The following MED25 variants were observed in gnomAD, a reference collection of about 807,000 sequenced individuals.
MED25 encodes the protein mediator complex subunit 25, also known as mediator of RNA polymerase II transcription subunit 25.
In MED25, 62 loss-of-function variants were observed where a neutral mutation model predicts 89.4. The ratio of observed to expected loss-of-function variants is 0.69; its 90% CI spans 0.57 to 0.86. The LOEUF (loss-of-function observed/expected upper bound fraction) is 0.86, where lower values mean the gene tolerates loss of function less well. Among genes scored for constraint, MED25 ranks in the 40% least tolerant of loss-of-function variants. The probability of loss-of-function intolerance (pLI) is 0.00; values close to 1 mark genes in which losing one functional copy is unlikely to be tolerated. For missense variants in MED25, 905 were observed against 1,005.2 expected, an observed-to-expected ratio of 0.90 and a Z score of 1.35; for synonymous variants, 449 against 427.9, an observed-to-expected ratio of 1.05 and a Z score of -0.61.
At position 49,829,954 on chromosome 19, in the gene MED25, G is replaced by T; in HGVS notation, c.688+6G>T. 6.2e-7 allele frequency: 1 copy of T among 1,608,608 alleles called. No individual in the cohort carries two copies. Among genetic ancestry groups the T allele is most frequent in the Non-Finnish European group, 8.5e-7 (1 of 1,176,266 alleles). On this transcript the variant is annotated splice_donor_region_variant and intron_variant, in intron 6 of 17. Transcript: ENST00000312865. The surrounding 1 kb of genome is among the most constrained non-coding windows in gnomAD (Gnocchi z 4.6). ...TCGGGGACTCGTGCTGCCTGGTGAG[G>T]CCTGGGCACCGTGCGCGGGGATGGG...
chr19:49,832,205 T>C (rs371606589), intron 12 of MED25, 48 bp downstream of exon 12: 14 of 1,598,596 alleles, frequency 8.8e-6, no homozygotes, highest in Admixed American at 1.7e-5. Flanking sequence ...GTCCTCACCC[T>C]GCTGTCTCTT....
At position 49,835,093 on chromosome 19, in the gene MED25, G is replaced by A. The variant is rs771318076; in HGVS notation, c.1590G>A (p.Gln530=). The A allele has an allele frequency of 1.2e-6, 2 of 1,614,086 alleles. No individual in the cohort carries two copies. The highest frequency in any genetic ancestry group is 4.5e-5 in the East Asian group (2 of 44,862). Residue 530 remains glutamine, a synonymous_variant, in exon 14 of 18, where the codon CAG becomes CAA. Transcript: ENST00000312865. This position sits in a 1 kb window ranked among gnomAD's most constrained non-coding sequence, Gnocchi z 6.2. ...KIFMGLIPYD[Q]SGFVNGIRQV... ...TCATGGGCCTCATCCCCTACGACCA[G>A]AGCGGCTTCGTCAACGGCATCCGGC...
chr19:49,835,391 TAC>T lies in MED25; in HGVS notation c.1675-142_1675-141del. 1.0e-6 allele frequency: 1 copy of T among 969,470 alleles called. No homozygotes were observed. The allele number at this position is 969,470 out of a possible 1,614,324, so 60.1% of individuals were successfully genotyped here. On this transcript the variant is annotated intron_variant, in intron 14 of 17. Coordinates refer to ENST00000312865, the MANE Select transcript of MED25 (RefSeq NM_030973.4). This position sits in a 1 kb window ranked among gnomAD's most constrained non-coding sequence, Gnocchi z 6.2. ...GCTTCCTCCTGGAGACCTTGGAGTG[TAC>T]GGCATCCCTCCCAGACCACTCACCC...
downstream of MED25, chr19:49,839,359 G>C (rs1439730414): frequency 6.2e-6 from 1 of 160,854 alleles, no homozygotes; most frequent in Non-Finnish European, 1.4e-5. Flanking sequence ...ACGGAAGTTG[G>C]GTCGTTGCAT....
chr19:49,835,633 C>T lies in MED25; in HGVS notation c.1746+28C>T. The T allele has an allele frequency of 6.4e-7, 1 of 1,556,950 alleles. No individual in the cohort carries two copies. The highest frequency in any genetic ancestry group is 1.2e-5 in the South Asian group (1 of 84,696). On this transcript the variant is annotated intron_variant, in intron 15 of 17. Transcript: ENST00000312865. This position sits in a 1 kb window ranked among gnomAD's most constrained non-coding sequence, Gnocchi z 6.2. ...GAGGACAGGGCTGGCGGGGTCGGGG[C>T]TGGGTTGGGGAGGCCCCAAGGCTGC...
At chr19:49,826,106 C>T (rs1252568355) in intron 3 of MED25, among the ~76,000 whole-genome samples, 3 of 151,900 alleles carry the variant, frequency 2.0e-5, no homozygotes, top group South Asian at 2.1e-4. Context: ...TTTGGGAGGC[C>T]GAGGCGGGTG....
chr19:49,821,062 G>A (rs530299408), intron 3 of MED25, among the ~76,000 whole-genome samples: 127 of 152,330 alleles, frequency 8.3e-4, no homozygotes, highest in African/African-American at 3.0e-3. Context: ...GAGTGGCTTG[G>A]CTGGATGGTT....
chr19:49,824,862 C>G (rs985749631), intron 3 of MED25, among the ~76,000 whole-genome samples: 2 of 152,070 alleles, frequency 1.3e-5, no homozygotes, highest in Non-Finnish European at 2.9e-5. Flanking sequence ...TCCTGGGGCT[C>G]CAGGCACCTG....
chr19:49,831,897 A>T lies in MED25; in HGVS notation c.1231-39A>T. ...TGAGGGCTCAAGGGGACTGAGGCTTATGGCCCTTTTTACTGACATGCTCTT... is the reference window on the plus strand; with the variant it reads ...TGAGGGCTCAAGGGGACTGAGGCTTTTGGCCCTTTTTACTGACATGCTCTT... On this transcript the variant is annotated intron_variant, in intron 10 of 17. Coordinates refer to ENST00000312865, the MANE Select transcript of MED25 (RefSeq NM_030973.4). The surrounding 1 kb of genome is among the most constrained non-coding windows in gnomAD (Gnocchi z 5.0). 1 of 1,572,384 alleles carries T rather than the reference A, an allele frequency of 6.4e-7. No homozygotes were observed. Among genetic ancestry groups the T allele is most frequent in the Non-Finnish European group, 8.8e-7 (1 of 1,142,058 alleles).
Position 49,831,549 on chromosome 19 carries a change from G to T in MED25, c.1230+88G>T. The T allele has an allele frequency of 6.7e-7, 1 of 1,488,900 alleles. No homozygotes were observed. The highest frequency in any genetic ancestry group is 9.1e-7 in the Non-Finnish European group (1 of 1,098,228). The allele number at this position is 1,488,900 out of a possible 1,614,324, so 92.2% of individuals were successfully genotyped here. On this transcript the variant is annotated intron_variant, in intron 10 of 17. Coordinates refer to ENST00000312865, the MANE Select transcript of MED25 (RefSeq NM_030973.4). This position sits in a 1 kb window ranked among gnomAD's most constrained non-coding sequence, Gnocchi z 5.0. ...GGACTCATGGGGCCAGATGCGTGGG[G>T]TCTGCAGTGCTGGGTTTGGAGGCAT...
In MED25 at chr19:49,831,598, G is replaced by A; in HGVS notation, c.1230+137G>A. On this transcript the variant is annotated intron_variant, in intron 10 of 17. Transcript: ENST00000312865. This position sits in a 1 kb window ranked among gnomAD's most constrained non-coding sequence, Gnocchi z 5.0. ...ATTCGTTGCGCTGGACCTGTGGGAT[G>A]CGGGGCGAGGCCAGGAGCCCCATGG... 1 of 1,155,500 alleles carries A rather than the reference G, an allele frequency of 8.7e-7. No homozygotes were observed. Among genetic ancestry groups the A allele is most frequent in the South Asian group, 1.6e-5 (1 of 63,902 alleles). 71.6% of individuals were successfully genotyped at this position (1,155,500 alleles called of 1,614,324 possible). A position where few individuals can be genotyped will look rare whatever the true frequency, so the allele number is the denominator to read the frequency against.
chr19:49,823,487 G>T (rs772136823), intron 3 of MED25, among the ~76,000 whole-genome samples: 1 of 152,114 alleles, frequency 6.6e-6, no homozygotes, highest in Non-Finnish European at 1.5e-5. Flanking sequence ...AGGATTTTGT[G>T]CCTCACTCTC....
At position 49,830,426 on chromosome 19, in the gene MED25, C is replaced by G; in HGVS notation, c.820-85C>G. 1.4e-6 allele frequency: 2 copies of G among 1,396,812 alleles called. No homozygotes were observed. Among genetic ancestry groups the G allele is most frequent in the Non-Finnish European group, 2.0e-6 (2 of 990,068 alleles). 86.5% of individuals were successfully genotyped at this position (1,396,812 alleles called of 1,614,324 possible). A position where few individuals can be genotyped will look rare whatever the true frequency, so the allele number is the denominator to read the frequency against. ...TATCCCAGCTGGTGCCTCATGGGGCCATGGGTGGTGTGACCTCGTGGGATA... is the reference window on the plus strand; with the variant it reads ...TATCCCAGCTGGTGCCTCATGGGGCGATGGGTGGTGTGACCTCGTGGGATA... On this transcript the variant is annotated intron_variant, in intron 7 of 17. Coordinates refer to ENST00000312865, the MANE Select transcript of MED25 (RefSeq NM_030973.4). This position sits in a 1 kb window ranked among gnomAD's most constrained non-coding sequence, Gnocchi z 4.6.
At position 49,831,317 on chromosome 19, in the gene MED25, T is replaced by A; in HGVS notation, c.1102-16T>A. 6.2e-7 allele frequency: 1 copy of A among 1,608,606 alleles called. No individual in the cohort carries two copies. Among genetic ancestry groups the A allele is most frequent in the Non-Finnish European group, 8.5e-7 (1 of 1,178,204 alleles). ...CCTTCCCCATTCTCATGGCCCTCCT[T>A]CCTCCCCTCTGGCAGGCAGGCACTG... On this transcript the variant is annotated splice_polypyrimidine_tract_variant and intron_variant, in intron 9 of 17. Coordinates refer to ENST00000312865, the MANE Select transcript of MED25 (RefSeq NM_030973.4). The surrounding 1 kb of genome is among the most constrained non-coding windows in gnomAD (Gnocchi z 5.0).
At position 49,830,989 on chromosome 19, in the gene MED25, C is replaced by T. The variant is rs573526418; in HGVS notation, c.1101+102C>T. ...TTGCCTTCCAGGGGGATGTGGCTCT[C>T]GTGGTTCTGGGGCTTTGGGGGCTCG... On this transcript the variant is annotated intron_variant, in intron 9 of 17. Transcript: ENST00000312865. The surrounding 1 kb of genome is among the most constrained non-coding windows in gnomAD (Gnocchi z 4.6). 87 of 1,335,732 alleles carry T rather than the reference C, an allele frequency of 6.5e-5. No homozygotes were observed. In the East Asian group the frequency reaches 9.6e-4, roughly 15 times the overall value. The allele number at this position is 1,335,732 out of a possible 1,614,324, so 82.7% of individuals were successfully genotyped here. A position where few individuals can be genotyped will look rare whatever the true frequency, so the allele number is the denominator to read the frequency against.
In MED25 at chr19:49,835,422, A is replaced by G. The variant is rs969571571; in HGVS notation, c.1675-112A>G. Reference sequence around the variant, plus strand: ...ATCCCTCCCAGACCACTCACCCCCAAAGAGAATGTCCCCATCTCCTTACTA... The same window carrying G: ...ATCCCTCCCAGACCACTCACCCCCAGAGAGAATGTCCCCATCTCCTTACTA... On this transcript the variant is annotated intron_variant, in intron 14 of 17. Coordinates refer to ENST00000312865, the MANE Select transcript of MED25 (RefSeq NM_030973.4). The surrounding 1 kb of genome is among the most constrained non-coding windows in gnomAD (Gnocchi z 6.2). The G allele has an allele frequency of 7.7e-6, 9 of 1,164,330 alleles. No individual in the cohort carries two copies. Among genetic ancestry groups the G allele is most frequent in the African/African-American group, 3.1e-5 (2 of 64,650 alleles). The allele number at this position is 1,164,330 out of a possible 1,614,324, so 72.1% of individuals were successfully genotyped here. A position where few individuals can be genotyped will look rare whatever the true frequency, so the allele number is the denominator to read the frequency against.
Position 49,834,811 on chromosome 19 carries a change from G to A in MED25, c.1483-175G>A, listed in dbSNP as rs1265967882. The A allele has an allele frequency of 6.1e-6, 4 of 653,120 alleles. No individual in the cohort carries two copies. Among genetic ancestry groups the A allele is most frequent in the African/African-American group, 5.4e-5 (3 of 55,254 alleles). 40.5% of individuals were successfully genotyped at this position (653,120 alleles called of 1,614,324 possible). A position where few individuals can be genotyped will look rare whatever the true frequency, so the allele number is the denominator to read the frequency against. On this transcript the variant is annotated intron_variant, in intron 13 of 17. Coordinates refer to ENST00000312865, the MANE Select transcript of MED25 (RefSeq NM_030973.4). The surrounding 1 kb of genome is among the most constrained non-coding windows in gnomAD (Gnocchi z 4.1). ...GCTGGAACCCTAGCTTGCCCTGAGC[G>A]CCTCAGTTTCTGTCTCCAGAGCAAC...
rs777058542 is a variant in MED25, at chr19:49,818,307, C to G, written c.-35C>G. 3.8e-6 allele frequency: 6 copies of G among 1,560,546 alleles called. No homozygotes were observed. Among genetic ancestry groups the G allele is most frequent in the Non-Finnish European group, 5.2e-6 (6 of 1,152,110 alleles). ...TCTGCTCATTCCGCGGCGTCGGCTG[C>G]GGCTGCAGTGGTGGTGGCGGGTACC... is the stretch of plus-strand genomic sequence containing the variant. On this transcript the variant is annotated 5_prime_UTR_variant, in exon 1 of 18. Transcript: ENST00000312865.
In MED25 at chr19:49,832,470, T is replaced by G; in HGVS notation, c.1482+55T>G. ...TGTTGACTCTTGTCCTGCTTTCTGC[T>G]GACCTTTGACGGGAATCCCAGAGTG... On this transcript the variant is annotated intron_variant, in intron 13 of 17. Transcript: ENST00000312865. The G allele has an allele frequency of 4.6e-6, 5 of 1,081,442 alleles. No individual in the cohort carries two copies. The South Asian group carries it at 5.3e-5, about 11-fold the overall frequency. The allele number at this position is 1,081,442 out of a possible 1,614,324, so 67.0% of individuals were successfully genotyped here.
Sources: allele counts gnomAD v4.1 joint callset (sites outside exome capture counted in the v4.1 genomes callset), GRCh38; gene constraint gnomAD v4.1.1; non-coding constraint Gnocchi (gnomAD v3.1); transcripts MANE v1.5; gene names NCBI Gene and HGNC (gene_info 2026-07-23, HGNC 2026-07-21).